Variants in MIS18A observed in about 807,000 individuals in gnomAD.
MIS18A encodes protein Mis18-alpha.
MIS18A carries 14 observed loss-of-function variants against 25.0 expected under a neutral mutation model. That is an observed-to-expected ratio of 0.56 (90% CI 0.37 to 0.88). The LOEUF is 0.88. Among genes scored for constraint, MIS18A ranks in the 40% least tolerant of loss-of-function variants. MIS18A has a pLI of 0.00. For missense variants in MIS18A, 292 were observed against 290.8 expected, an observed-to-expected ratio of 1.00 and a Z score of -0.03; for synonymous variants, 134 against 118.6, an observed-to-expected ratio of 1.13 and a Z score of -0.84.
the MIS18A span, among the ~76,000 whole-genome samples, chr21:32,213,127 A>T: frequency 9.2e-5 from 14 of 152,308 alleles, no homozygotes; most frequent in South Asian, 1.7e-3. Context: ...ACCAAATTTT[A>T]AAAAAATGCA....
the MIS18A span, among the ~76,000 whole-genome samples, chr21:32,185,434 T>C: frequency 6.6e-6 from 1 of 152,108 alleles, no homozygotes; most frequent in Non-Finnish European, 1.5e-5. Flanking sequence ...GGTGCTCCCA[T>C]GGGGAGGTCT....
chr21:32,182,919 A>G, the MIS18A span, among the ~76,000 whole-genome samples: 1 of 152,190 alleles, frequency 6.6e-6, no homozygotes, highest in Non-Finnish European at 1.5e-5. Flanking sequence ...ACGTTAGTAG[A>G]CCCTTGACTT....
the MIS18A span, among the ~76,000 whole-genome samples, chr21:32,216,955 A>T: frequency 6.6e-6 from 1 of 152,226 alleles, no homozygotes; most frequent in Non-Finnish European, 1.5e-5. Context: ...CAGAAAAATC[A>T]CTGAACAAAC....
intron 4 of MIS18A, 34 bp from the exon 5 acceptor site, chr21:32,269,151 CACACAT>C: frequency 7.0e-7 from 1 of 1,419,736 alleles, no homozygotes; most frequent in Non-Finnish European, 9.7e-7. Context: ...AATAAAGAAA[CACACAT>C]ATAATTAAAA....
intron 2 of MIS18A, among the ~76,000 whole-genome samples, chr21:32,274,612 T>C (rs192495251): frequency 1.5e-3 from 224 of 152,176 alleles, no homozygotes; most frequent in Non-Finnish European, 2.1e-3. Flanking sequence ...AACTTTTCAA[T>C]ATCTAAAGGT....
chr21:32,247,922 C>A, the MIS18A span, among the ~76,000 whole-genome samples: 2 of 152,202 alleles, frequency 1.3e-5, no homozygotes, highest in African/African-American at 4.8e-5. Flanking sequence ...GGCTTCCAGG[C>A]TGGGAGCCTG....
the MIS18A span, among the ~76,000 whole-genome samples, chr21:32,215,925 G>T: frequency 6.6e-6 from 1 of 152,054 alleles, no homozygotes; most frequent in African/African-American, 2.4e-5. Flanking sequence ...CAAAAATTTA[G>T]ATCATAACAA....
the MIS18A span, among the ~76,000 whole-genome samples, chr21:32,238,633 C>A: frequency 6.6e-6 from 1 of 152,302 alleles, no homozygotes; most frequent in East Asian, 1.9e-4. Context: ...TTGCCCCTTC[C>A]TCAATCAACC....
the MIS18A span, among the ~76,000 whole-genome samples, chr21:32,161,039 G>T: frequency 6.6e-6 from 1 of 152,190 alleles, no homozygotes; most frequent in Admixed American, 6.5e-5. Context: ...AGGCAGGTTT[G>T]CCCTAAGCAG....
the MIS18A span, among the ~76,000 whole-genome samples, chr21:32,173,955 GTTTTTTTTTTTTT>G: frequency 2.9e-4 from 27 of 92,614 alleles, no homozygotes; most frequent in African/African-American, 1.1e-3. Context: ...TACTTTTTAA[GTTTTTTTTTTTTT>G]TTTTTTTTTT....
the MIS18A span, among the ~76,000 whole-genome samples, chr21:32,235,195 A>C: frequency 2.6e-5 from 4 of 152,174 alleles, no homozygotes; most frequent in Non-Finnish European, 4.4e-5. Context: ...CTGGATACTC[A>C]CAGCTGCCCC....
At chr21:32,205,934 C>A in the MIS18A span, among the ~76,000 whole-genome samples, 1 of 152,178 alleles carries the variant, frequency 6.6e-6, no homozygotes, top group Non-Finnish European at 1.5e-5. Flanking sequence ...AGAGACCCCC[C>A]CCATTCCAGT....
At chr21:32,230,767 A>G in the MIS18A span, among the ~76,000 whole-genome samples, 5 of 152,382 alleles carry the variant, frequency 3.3e-5, no homozygotes, top group East Asian at 7.7e-4. Context: ...TACAAGTAAG[A>G]ACCAAAACTC....
downstream of MIS18A, among the ~76,000 whole-genome samples, chr21:32,266,310 T>C (rs1229371912): frequency 2.6e-5 from 4 of 152,110 alleles, no homozygotes; most frequent in African/African-American, 7.2e-5. Flanking sequence ...ATCAGCGCCC[T>C]GACAAAACAG....
At chr21:32,203,336 G>C in the MIS18A span, among the ~76,000 whole-genome samples, 2 of 151,480 alleles carry the variant, frequency 1.3e-5, no homozygotes, top group African/African-American at 4.8e-5. Flanking sequence ...AAAATGAAAG[G>C]GTCACTAAGA....
the MIS18A span, among the ~76,000 whole-genome samples, chr21:32,157,038 TTTCC>T: frequency 7.0e-3 from 1,002 of 142,862 alleles, 23 homozygotes; most frequent in African/African-American, 0.024. Flanking sequence ...TTTCCTTTCT[TTTCC>T]TTTCTTTCTT....
At chr21:32,249,907 C>T in the MIS18A span, among the ~76,000 whole-genome samples, 1 of 152,162 alleles carries the variant, frequency 6.6e-6, no homozygotes, top group African/African-American at 2.4e-5. Flanking sequence ...GGACAAACAT[C>T]CAAAATATAT....
the MIS18A span, among the ~76,000 whole-genome samples, chr21:32,184,875 C>T: frequency 1.3e-5 from 2 of 152,108 alleles, no homozygotes; most frequent in Non-Finnish European, 2.9e-5. Context: ...ATTCTGCCTC[C>T]TCTGTGGCTC....
the MIS18A span, among the ~76,000 whole-genome samples, chr21:32,183,926 C>T: frequency 6.6e-6 from 1 of 152,310 alleles, no homozygotes; most frequent in African/African-American, 2.4e-5. Flanking sequence ...AGCACACACA[C>T]GATCTGTTGA....
Sources: allele counts gnomAD v4.1 joint callset (sites outside exome capture counted in the v4.1 genomes callset), GRCh38; gene constraint gnomAD v4.1.1; transcripts MANE v1.5; gene names NCBI Gene and HGNC (gene_info 2026-07-23, HGNC 2026-07-21).